Variants in RALYL observed in about 807,000 individuals in gnomAD.
RALYL encodes RNA-binding Raly-like protein.
RALYL carries 29 observed loss-of-function variants against 35.1 expected under a neutral mutation model. That is an observed-to-expected ratio of 0.83 (90% CI 0.61 to 1.13). The LOEUF (loss-of-function observed/expected upper bound fraction) is 1.13, where lower values mean the gene tolerates loss of function less well. Ranked by LOEUF, RALYL falls within the 50% of genes most tolerant of loss-of-function variation. The pLI is 0.00. For missense variants in RALYL, 359 were observed against 360.4 expected, an observed-to-expected ratio of 1.00 and a Z score of 0.03; for synonymous variants, 120 against 127.6, an observed-to-expected ratio of 0.94 and a Z score of 0.40.
chr8:84,255,638 G>T (rs1235043179), intron 1 of RALYL, among the ~76,000 whole-genome samples: 2 of 152,024 alleles, frequency 1.3e-5, no homozygotes, highest in Non-Finnish European at 2.9e-5. Flanking sequence ...TTTTCACGGA[G>T]AAACTGTGCC....
At chr8:84,226,612 G>T (rs1438468012) in intron 1 of RALYL, among the ~76,000 whole-genome samples, 2 of 78,308 alleles carry the variant, frequency 2.6e-5, no homozygotes, top group Admixed American at 2.4e-4. Flanking sequence ...GAAGCAATAT[G>T]ACTTAAAAGG....
chr8:84,788,785 G>A (rs1025830086), intron 3 of RALYL, among the ~76,000 whole-genome samples: 13 of 152,286 alleles, frequency 8.5e-5, no homozygotes, highest in Middle Eastern at 3.4e-3. Flanking sequence ...TATGCAGAGC[G>A]AAGGGCAAGG....
intron 3 of RALYL, among the ~76,000 whole-genome samples, chr8:84,775,715 A>G (rs1036995159): frequency 2.0e-5 from 3 of 152,168 alleles, no homozygotes; most frequent in Non-Finnish European, 2.9e-5. Context: ...GTTGTTCTGT[A>G]TATACTTCTA....
At chr8:84,295,847 A>G (rs1026036017) in intron 1 of RALYL, among the ~76,000 whole-genome samples, 1 of 152,126 alleles carries the variant, frequency 6.6e-6, no homozygotes, top group Non-Finnish European at 1.5e-5. Context: ...TTCTTCCTAA[A>G]GGTGTTCTCT....
At chr8:84,289,915 C>T (rs1370411989) in intron 1 of RALYL, among the ~76,000 whole-genome samples, 3 of 152,082 alleles carry the variant, frequency 2.0e-5, no homozygotes, top group Admixed American at 6.6e-5. Context: ...AAATTTCACA[C>T]TTTTGTTTCC....
chr8:84,248,666 A>G (rs1462859895), intron 1 of RALYL, among the ~76,000 whole-genome samples: 4 of 152,018 alleles, frequency 2.6e-5, no homozygotes, highest in African/African-American at 9.7e-5. Flanking sequence ...CTTTCTTGTT[A>G]TCTGTTCTGA....
At chr8:84,611,006 T>G (rs2130878303) in intron 2 of RALYL, among the ~76,000 whole-genome samples, 1 of 152,274 alleles carries the variant, frequency 6.6e-6, no homozygotes, top group East Asian at 1.9e-4. Flanking sequence ...CCTAGTTGTT[T>G]CTAAAGGAGA....
chr8:84,523,793 A>G (rs1304272177), intron 1 of RALYL, among the ~76,000 whole-genome samples: 1 of 151,468 alleles, frequency 6.6e-6, no homozygotes, highest in African/African-American at 2.4e-5. Context: ...GCGATAGTTT[A>G]CTGAGAATGA....
chr8:84,675,448 T>G (rs1414929302), intron 2 of RALYL, among the ~76,000 whole-genome samples: 1 of 152,140 alleles, frequency 6.6e-6, no homozygotes, highest in Non-Finnish European at 1.5e-5. Flanking sequence ...GGAATAGACC[T>G]AATTCCCCAA....
intron 2 of RALYL, among the ~76,000 whole-genome samples, chr8:84,695,713 A>G (rs1397086302): frequency 6.6e-6 from 1 of 151,874 alleles, no homozygotes; most frequent in Non-Finnish European, 1.5e-5. Flanking sequence ...CTGAGTAATG[A>G]GAAATTGTTT....
chr8:84,303,190 C>T (rs969091542), intron 1 of RALYL, among the ~76,000 whole-genome samples: 17 of 151,982 alleles, frequency 1.1e-4, no homozygotes, highest in African/African-American at 4.1e-4. Context: ...AATAGCAGAG[C>T]ATCTGGAACA....
At chr8:84,859,229 C>A (rs142412523) in intron 5 of RALYL, among the ~76,000 whole-genome samples, 1 of 151,992 alleles carries the variant, frequency 6.6e-6, no homozygotes, top group Admixed American at 6.6e-5. Flanking sequence ...CGATTGGTTG[C>A]GGGAGGGGAC....
intron 2 of RALYL, among the ~76,000 whole-genome samples, chr8:84,737,143 G>T (rs996056401): frequency 1.3e-5 from 2 of 151,998 alleles, no homozygotes; most frequent in African/African-American, 4.8e-5. Flanking sequence ...GAAATTTTCT[G>T]TCTGATTCCA....
At chr8:84,394,682 C>T (rs1327300204) in intron 1 of RALYL, among the ~76,000 whole-genome samples, 1 of 151,914 alleles carries the variant, frequency 6.6e-6, no homozygotes, top group Non-Finnish European at 1.5e-5. Flanking sequence ...TGCTTATTCA[C>T]TGGTGATAAA....
chr8:84,497,647 T>TG lies in RALYL; in HGVS notation c.-23-31652_-23-31651insG, dbSNP rs202052695. On this transcript the variant is annotated intron_variant, in intron 1 of 8. Coordinates refer to ENST00000521268, the MANE Select transcript of RALYL (RefSeq NM_173848.7). The stretch of plus-strand genomic sequence containing the variant: ...TTTTTGTTGTTTTTGTTTTTGTTTT[T>TG]TTTTTTTTTTTTGAGAGACAGTCTC... Among the ~76,000 whole-genome samples, 284 of 147,574 alleles carry TG rather than the reference T, an allele frequency of 1.9e-3. 1 individual carries two copies. Among genetic ancestry groups the TG allele is most frequent in the African/African-American group, 5.1e-3 (206 of 40,172 alleles).
chr8:84,395,264 G>T (rs1291257901), intron 1 of RALYL, among the ~76,000 whole-genome samples: 1 of 151,752 alleles, frequency 6.6e-6, no homozygotes, highest in African/African-American at 2.4e-5. Context: ...TGTTGTCACT[G>T]TTAGGATGCT....
chr8:84,801,843 G>T lies in RALYL; in HGVS notation c.333-2927G>T, dbSNP rs934092681. Reference sequence around the variant, plus strand: ...CTTATGATTAATGAAATCAAGAAAGGTGGTAACACAAAAACATTTCAGGTG... The same window carrying T: ...CTTATGATTAATGAAATCAAGAAAGTTGGTAACACAAAAACATTTCAGGTG... On this transcript the variant is annotated intron_variant, in intron 3 of 8. Coordinates refer to ENST00000521268, the MANE Select transcript of RALYL (RefSeq NM_173848.7). Among the ~76,000 whole-genome samples the T allele has an allele frequency of 2.0e-5, 3 of 152,260 alleles. No homozygotes were observed. The South Asian group carries it at 6.2e-4, about 32-fold the overall frequency.
intron 2 of RALYL, among the ~76,000 whole-genome samples, chr8:84,704,480 C>CACACAACA (rs145150857): frequency 5.2e-4 from 73 of 139,578 alleles, no homozygotes; most frequent in African/African-American, 2.0e-3. Context: ...CACACACACA[C>CACACAACA]ACAACAACTC....
At chr8:84,651,737 T>C (rs1828879203) in intron 2 of RALYL, among the ~76,000 whole-genome samples, 1 of 152,022 alleles carries the variant, frequency 6.6e-6, no homozygotes, top group Non-Finnish European at 1.5e-5. Flanking sequence ...AATAGACTTT[T>C]GAGAGAAAGT....
Sources: allele counts gnomAD v4.1 joint callset (sites outside exome capture counted in the v4.1 genomes callset), GRCh38; gene constraint gnomAD v4.1.1; transcripts MANE v1.5; gene names NCBI Gene and HGNC (gene_info 2026-07-23, HGNC 2026-07-21).